Variants in CFAP299 observed in about 807,000 individuals in gnomAD.
The protein encoded by CFAP299 is cilia- and flagella-associated protein 299.
In CFAP299, 21 loss-of-function variants were observed where a neutral mutation model predicts 27.0. That is an observed-to-expected ratio of 0.78 (90% CI 0.55 to 1.12). The LOEUF is 1.12. Among genes scored for constraint, CFAP299 ranks in the 50% most tolerant of loss-of-function variants. The probability of loss-of-function intolerance (pLI) is 0.00; values close to 1 mark genes in which losing one functional copy is unlikely to be tolerated. For synonymous variants in CFAP299, 104 were observed against 98.1 expected (o/e 1.06, Z -0.36); for missense variants, 310 against 276.6 (o/e 1.12, Z -0.86).
intron 3 of CFAP299, among the ~76,000 whole-genome samples, chr4:80,586,844 C>T (rs1252623477): frequency 6.6e-6 from 1 of 152,132 alleles, no homozygotes; most frequent in African/African-American, 2.4e-5. Flanking sequence ...TATTTTCCCA[C>T]TGAATGTTGA....
intron 4 of CFAP299, among the ~76,000 whole-genome samples, chr4:80,891,184 A>G (rs1734255218): frequency 1.3e-5 from 2 of 148,892 alleles, no homozygotes; most frequent in Admixed American, 1.3e-4. Context: ...TAGGGTTTTT[A>G]TGGTTTTAGG....
At chr4:80,739,158 A>G (rs1292437616) in intron 3 of CFAP299, among the ~76,000 whole-genome samples, 1 of 152,008 alleles carries the variant, frequency 6.6e-6, no homozygotes, top group Non-Finnish European at 1.5e-5. Context: ...TCATTGGTTT[A>G]TCCTTTAATC....
rs80020422 is a variant in CFAP299, at chr4:80,456,451, G to A, written c.242+93567G>A. ...CAAGGGGAAGTTCTGCTTGGACTAG[G>A]ATGATAACAGTGGTGGAAGTGCTGA... is the stretch of plus-strand genomic sequence containing the variant. On this transcript the variant is annotated intron_variant, in intron 2 of 5. Coordinates refer to ENST00000358105, the MANE Select transcript of CFAP299 (RefSeq NM_152770.3). Among the ~76,000 whole-genome samples, 519 of 152,168 alleles carry A rather than the reference G, an allele frequency of 3.4e-3. 4 individuals carry two copies. The East Asian group carries it at 0.038, about 11-fold the overall frequency.
At chr4:80,794,023 C>T (rs1019637374) in intron 3 of CFAP299, among the ~76,000 whole-genome samples, 7 of 152,152 alleles carry the variant, frequency 4.6e-5, no homozygotes, top group African/African-American at 1.4e-4. Context: ...TGTAGTTTCC[C>T]ATTGACATTA....
At chr4:80,532,205 T>A (rs1257153674) in intron 2 of CFAP299, among the ~76,000 whole-genome samples, 1 of 152,200 alleles carries the variant, frequency 6.6e-6, no homozygotes, top group Non-Finnish European at 1.5e-5. Context: ...AAGTATTTTA[T>A]GTATTGTAGA....
chr4:80,332,981 C>T (rs116517833), upstream of CFAP299, among the ~76,000 whole-genome samples: 751 of 152,136 alleles, frequency 4.9e-3, 3 homozygotes, highest in Non-Finnish European at 7.8e-3. Context: ...GTGATCATAC[C>T]CATCATCTAT....
intron 2 of CFAP299, among the ~76,000 whole-genome samples, chr4:80,376,139 C>CT (rs1430518661): frequency 6.6e-6 from 1 of 151,912 alleles, no homozygotes. Context: ...ATAGTTTTGC[C>CT]TTTTTTTTAG....
At chr4:80,735,465 C>G (rs530575140) in intron 3 of CFAP299, among the ~76,000 whole-genome samples, 6 of 152,182 alleles carry the variant, frequency 3.9e-5, no homozygotes, top group African/African-American at 1.2e-4. Flanking sequence ...CTAGAACTTC[C>G]AGTACTATGT....
At chr4:80,321,512 C>T in the CFAP299 span, among the ~76,000 whole-genome samples, 2 of 151,998 alleles carry the variant, frequency 1.3e-5, no homozygotes, top group Non-Finnish European at 2.9e-5. Flanking sequence ...GGCCACATGT[C>T]CCCCCGCCCA....
rs565715128 is a variant in CFAP299, at chr4:80,450,947, A to G, written c.242+88063A>G. Among the ~76,000 whole-genome samples the G allele has an allele frequency of 3.4e-5, 5 of 148,070 alleles. No homozygotes were observed. The East Asian group carries it at 1.0e-3, about 30-fold the overall frequency. On this transcript the variant is annotated intron_variant, in intron 2 of 5. Transcript: ENST00000358105. ...AGAGAGCATTTGGGTGTGTGAGAGG[A>G]GGGGCCTCTCAACAATTTTGTACCC...
At chr4:80,568,114 A>G (rs1735400859) in intron 2 of CFAP299, among the ~76,000 whole-genome samples, 2 of 151,904 alleles carry the variant, frequency 1.3e-5, no homozygotes, top group Admixed American at 6.6e-5. Context: ...AATGTTAGAA[A>G]AAATGAGTTA....
chr4:80,787,179 C>A (rs1035869189), intron 3 of CFAP299, among the ~76,000 whole-genome samples: 2 of 149,212 alleles, frequency 1.3e-5, no homozygotes, highest in African/African-American at 4.9e-5. Context: ...AATGTCTTAT[C>A]TCCTGGGCTG....
chr4:80,944,940 GT>G lies in CFAP299; in HGVS notation c.606+2del, dbSNP rs751171265. The G allele has an allele frequency of 1.9e-6, 3 of 1,609,948 alleles. No homozygotes were observed. In the South Asian group the frequency reaches 3.3e-5, roughly 18 times the overall value. Reference sequence around the variant, plus strand: ...AAAAATTCTTAATGTGGACCCAAAGGTAATTCTTCTTTTACACTTAGTTAGT... The same window carrying G: ...AAAAATTCTTAATGTGGACCCAAAGGAATTCTTCTTTTACACTTAGTTAGT... On this transcript the variant is annotated splice_donor_variant, in intron 5 of 5. Transcript: ENST00000358105. LOFTEE classifies it high-confidence loss of function.
chr4:80,813,345 TTTTCACAAACAAA>T (rs1560425628), intron 3 of CFAP299, among the ~76,000 whole-genome samples: 1 of 151,848 alleles, frequency 6.6e-6, no homozygotes, highest in Non-Finnish European at 1.5e-5. Flanking sequence ...GAAAGGAAAA[TTTTCACAAACAAA>T]GAAAAAAGGA....
At chr4:80,645,080 T>C (rs907167101) in intron 3 of CFAP299, among the ~76,000 whole-genome samples, 7 of 151,994 alleles carry the variant, frequency 4.6e-5, no homozygotes, top group African/African-American at 1.2e-4. Context: ...TACTTTAAGG[T>C]CCTCTTTGCT....
the CFAP299 span, among the ~76,000 whole-genome samples, chr4:80,326,782 T>A: frequency 3.9e-5 from 6 of 152,202 alleles, no homozygotes; most frequent in Non-Finnish European, 8.8e-5. Flanking sequence ...GTAGCCTTTT[T>A]AAAAATATCA....
intron 1 of CFAP299, among the ~76,000 whole-genome samples, chr4:80,349,826 A>AT (rs1310917705): frequency 1.3e-5 from 2 of 152,226 alleles, no homozygotes; most frequent in Non-Finnish European, 2.9e-5. Flanking sequence ...TAGAAACATG[A>AT]TAAAAATGGT....
At chr4:80,839,481 G>T (rs1251010304) in intron 3 of CFAP299, among the ~76,000 whole-genome samples, 1 of 152,112 alleles carries the variant, frequency 6.6e-6, no homozygotes, top group East Asian at 1.9e-4. Flanking sequence ...TGGCAGGTTT[G>T]CTTCCCTCTC....
chr4:80,875,670 A>G (rs1733337061), intron 4 of CFAP299, among the ~76,000 whole-genome samples: 2 of 151,790 alleles, frequency 1.3e-5, no homozygotes, highest in South Asian at 4.1e-4. Context: ...GTCTCAAAAA[A>G]AAAAAAAAAA....
Sources: allele counts gnomAD v4.1 joint callset (sites outside exome capture counted in the v4.1 genomes callset), GRCh38; gene constraint gnomAD v4.1.1; transcripts MANE v1.5; gene names NCBI Gene and HGNC (gene_info 2026-07-23, HGNC 2026-07-21).